The following LTBP1 variants were observed in gnomAD, a reference collection of about 807,000 sequenced individuals.
LTBP1 encodes latent-transforming growth factor beta-binding protein 1.
A neutral mutation model predicts 207.6 loss-of-function variants in LTBP1; 129 were observed. The ratio of observed to expected loss-of-function variants is 0.62; its 90% CI spans 0.54 to 0.72. The LOEUF is 0.72. Among genes scored for constraint, LTBP1 ranks in the 30% least tolerant of loss-of-function variants. LTBP1 has a pLI of 0.00. For synonymous variants in LTBP1, 963 were observed against 833.7 expected (o/e 1.16, Z -2.67); for missense variants, 2,281 against 2,217.2 (o/e 1.03, Z -0.58).
At chr2:33,194,682 G>A (rs773416626) in intron 7 of LTBP1, among the ~76,000 whole-genome samples, 1 of 152,212 alleles carries the variant, frequency 6.6e-6, no homozygotes, top group African/African-American at 2.4e-5. Flanking sequence ...TACCATAAAA[G>A]TACAAGGAGA....
chr2:33,128,420 T>TACACTGC (rs2081573996), intron 4 of LTBP1, among the ~76,000 whole-genome samples: 1 of 152,210 alleles, frequency 6.6e-6, no homozygotes, highest in Non-Finnish European at 1.5e-5. Context: ...CTGCTCCTTA[T>TACACTGC]TCTGTTTACA....
At chr2:33,364,412 T>G (rs2094960626) in intron 30 of LTBP1, 56 bp downstream of exon 30, 1 of 1,535,624 alleles carries the variant, frequency 6.5e-7, no homozygotes, top group Non-Finnish European at 8.8e-7. Context: ...AGATTTTCCT[T>G]TTAACTAAAA....
chr2:33,340,569 G>C (rs2149636636), intron 24 of LTBP1, among the ~76,000 whole-genome samples: 1 of 152,342 alleles, frequency 6.6e-6, no homozygotes, highest in South Asian at 2.1e-4. Context: ...CTGACCGGAA[G>C]ATGATCATGA....
intron 24 of LTBP1, among the ~76,000 whole-genome samples, chr2:33,324,829 G>A (rs570367805): frequency 6.6e-6 from 1 of 151,110 alleles, no homozygotes; most frequent in Non-Finnish European, 1.5e-5. Flanking sequence ...ACCCTCCTGA[G>A]TAGCTGGGAC....
intron 22 of LTBP1, among the ~76,000 whole-genome samples, chr2:33,308,086 A>C (rs2149126755): frequency 6.6e-6 from 1 of 152,360 alleles, no homozygotes; most frequent in Admixed American, 6.5e-5. Flanking sequence ...TTCTGAGAAA[A>C]CAAAGAAGGT....
At chr2:33,004,809 A>ATATATATATATG (rs1298591734) in intron 2 of LTBP1, among the ~76,000 whole-genome samples, 12 of 145,500 alleles carry the variant, frequency 8.2e-5, no homozygotes, top group African/African-American at 2.7e-4. Context: ...ATATATATAT[A>ATATATATATATG]TATATAAACA....
chr2:33,370,768 A>G (rs2095058581), intron 31 of LTBP1, among the ~76,000 whole-genome samples: 1 of 152,092 alleles, frequency 6.6e-6, no homozygotes, highest in Non-Finnish European at 1.5e-5. Context: ...CATGCATCCC[A>G]TTTTCCTTAG....
intron 2 of LTBP1, among the ~76,000 whole-genome samples, chr2:32,993,992 G>A (rs1684852964): frequency 1.3e-5 from 2 of 151,818 alleles, no homozygotes; most frequent in South Asian, 4.2e-4. Flanking sequence ...GTGTGTGTGT[G>A]TGTGTGTGTG....
chr2:33,320,327 C>G (rs1205971312), intron 24 of LTBP1, among the ~76,000 whole-genome samples: 1 of 151,122 alleles, frequency 6.6e-6, no homozygotes, highest in African/African-American at 2.4e-5. Context: ...CAAGGTCACA[C>G]CACTGCACTC....
At chr2:33,303,441 C>T (rs1381496587) in intron 22 of LTBP1, among the ~76,000 whole-genome samples, 4 of 151,370 alleles carry the variant, frequency 2.6e-5, no homozygotes, top group Admixed American at 2.6e-4. Flanking sequence ...GCTTCGCCTC[C>T]CAGGTTCACA....
At chr2:33,183,852 T>C (rs2148748508) in intron 5 of LTBP1, among the ~76,000 whole-genome samples, 1 of 152,310 alleles carries the variant, frequency 6.6e-6, no homozygotes. Context: ...ACAGAGTAGT[T>C]TGGGCACTAA....
intron 7 of LTBP1, among the ~76,000 whole-genome samples, chr2:33,203,289 G>A (rs765240432): frequency 1.3e-5 from 2 of 152,164 alleles, no homozygotes; most frequent in Non-Finnish European, 2.9e-5. Flanking sequence ...CAGAGACAGG[G>A]GTAAGATCCA....
intron 16 of LTBP1, among the ~76,000 whole-genome samples, chr2:33,274,025 C>T (rs1314332747): frequency 1.3e-5 from 2 of 152,052 alleles, no homozygotes; most frequent in African/African-American, 4.8e-5. Context: ...GAAATAATTT[C>T]CAAAAGCTTT....
At chr2:33,093,151 T>C (rs1179315540) in intron 3 of LTBP1, among the ~76,000 whole-genome samples, 1 of 152,224 alleles carries the variant, frequency 6.6e-6, no homozygotes, top group South Asian at 2.1e-4. Context: ...AAACTAGCAT[T>C]TTGTTCATAA....
intron 15 of LTBP1, among the ~76,000 whole-genome samples, chr2:33,269,117 T>C (rs1246908473): frequency 6.6e-6 from 1 of 152,214 alleles, no homozygotes; most frequent in African/African-American, 2.4e-5. Context: ...ATTCATTCAT[T>C]CATTCATTCA....
At chr2:33,030,190 G>A (rs2075626594) in intron 3 of LTBP1, among the ~76,000 whole-genome samples, 1 of 152,198 alleles carries the variant, frequency 6.6e-6, no homozygotes, top group Non-Finnish European at 1.5e-5. Context: ...TTATGCAGCA[G>A]CTAATCCTTC....
intron 24 of LTBP1, among the ~76,000 whole-genome samples, chr2:33,328,648 A>G (rs908922835): frequency 3.3e-5 from 5 of 152,182 alleles, no homozygotes; most frequent in African/African-American, 7.2e-5. Flanking sequence ...AACCGCTCCC[A>G]TGATCCACTT....
intron 22 of LTBP1, among the ~76,000 whole-genome samples, chr2:33,305,129 A>G (rs2094064682): frequency 3.9e-5 from 6 of 152,276 alleles, no homozygotes; most frequent in East Asian, 1.9e-4. Flanking sequence ...CTTAGCCAAC[A>G]TGGTGAAACC....
In LTBP1 at chr2:33,179,880, G is replaced by A. The variant is rs566241295; in HGVS notation, c.1202-6976G>A. Among the ~76,000 whole-genome samples, 3 of 152,166 alleles carry A rather than the reference G, an allele frequency of 2.0e-5. No homozygotes were observed. In the South Asian group the frequency reaches 6.2e-4, roughly 32 times the overall value. On this transcript the variant is annotated intron_variant, in intron 5 of 33. Transcript: ENST00000404816. The stretch of plus-strand genomic sequence containing the variant: ...GTGTTTAACTCTGTCTACTTTTACA[G>A]ACTGCCTTATATCCTTATGGAAATG...
Sources: allele counts gnomAD v4.1 joint callset (sites outside exome capture counted in the v4.1 genomes callset), GRCh38; gene constraint gnomAD v4.1.1; transcripts MANE v1.5; gene names NCBI Gene and HGNC (gene_info 2026-07-23, HGNC 2026-07-21).